The following GRAMD4 variants were observed in gnomAD, a reference collection of about 807,000 sequenced individuals.
GRAMD4 encodes GRAM domain containing 4.
GRAMD4 carries 25 observed loss-of-function variants against 83.9 expected under a neutral mutation model. That is an observed-to-expected ratio of 0.30 (90% CI 0.22 to 0.42). The LOEUF is 0.42. Among genes scored for constraint, GRAMD4 ranks in the 10% least tolerant of loss-of-function variants. The probability of loss-of-function intolerance (pLI) is 1.00; values close to 1 mark genes in which losing one functional copy is unlikely to be tolerated. For missense variants in GRAMD4, 593 were observed against 788.7 expected, an observed-to-expected ratio of 0.75 and a Z score of 2.97; for synonymous variants, 336 against 320.9, an observed-to-expected ratio of 1.05 and a Z score of -0.50.
intron 1 of GRAMD4, among the ~76,000 whole-genome samples, chr22:46,591,971 G>A (rs987490697): frequency 4.0e-5 from 6 of 149,368 alleles, no homozygotes; most frequent in African/African-American, 1.5e-4. Flanking sequence ...CAGGACTGGT[G>A]TGTCCCCTCC....
rs562775258 is a variant in GRAMD4 at position 46,621,901 on chromosome 22, C to T, written c.-50+1336C>T. ...GAAAAGTCTGTCTTTTTGATGGACC[C>T]AGGGAGTTGGGTGAGGAGGGTGGTG... On this transcript the variant is annotated intron_variant, in intron 1 of 18. Coordinates refer to ENST00000406902, the MANE Select transcript of GRAMD4 (RefSeq NM_015124.5). This position sits in a 1 kb window ranked among gnomAD's most constrained non-coding sequence, Gnocchi z 5.8. Among the ~76,000 whole-genome samples, 162 of 152,262 alleles carry T rather than the reference C, an allele frequency of 1.1e-3. 1 individual carries two copies. The highest frequency in any genetic ancestry group is 3.7e-3 in the African/African-American group (154 of 41,558).
At chr22:46,612,082 C>T (rs1176251110) in intron 1 of GRAMD4, among the ~76,000 whole-genome samples, 1 of 144,302 alleles carries the variant, frequency 6.9e-6, no homozygotes, top group African/African-American at 2.5e-5. Flanking sequence ...TAGCTCACTG[C>T]AGCCTTGAAC....
intron 1 of GRAMD4, among the ~76,000 whole-genome samples, chr22:46,581,928 A>G (rs1165933203): frequency 1.3e-5 from 2 of 152,242 alleles, no homozygotes; most frequent in African/African-American, 4.8e-5. Context: ...TATAGAAGCC[A>G]GAGCTTGAGA....
chr22:46,637,401 C>A (rs1351343726), intron 2 of GRAMD4, among the ~76,000 whole-genome samples: 1 of 152,022 alleles, frequency 6.6e-6, no homozygotes, highest in Non-Finnish European at 1.5e-5. Context: ...TACAGGTGCC[C>A]GCCACTGCGC....
chr22:46,659,484 G>T lies in GRAMD4; in HGVS notation c.404+1177G>T, dbSNP rs571807671. Among the ~76,000 whole-genome samples, 1 of 152,202 alleles carries T rather than the reference G, an allele frequency of 6.6e-6. No homozygotes were observed. Among genetic ancestry groups the T allele is most frequent in the African/African-American group, 2.4e-5 (1 of 41,446 alleles). On this transcript the variant is annotated intron_variant, in intron 4 of 18. Transcript: ENST00000406902. The surrounding 1 kb of genome is among the most constrained non-coding windows in gnomAD (Gnocchi z 4.1). The stretch of plus-strand genomic sequence containing the variant: ...CTGTCACCAGTTAGGGAGGCACACG[G>T]CATCTCTGGGACACCCCAGCTGAGC...
Position 46,669,959 on chromosome 22 carries a change from T to C in GRAMD4, c.1084+1051T>C, listed in dbSNP as rs570986857. Among the ~76,000 whole-genome samples, 37 of 152,318 alleles carry C rather than the reference T, an allele frequency of 2.4e-4. No individual in the cohort carries two copies. In the South Asian group the frequency reaches 7.5e-3, roughly 31 times the overall value. ...AATAACAACGATCCAGTGTCTGACATGGGCCACACACTGGCATGTGGGAGC... is the reference window on the plus strand; with the variant it reads ...AATAACAACGATCCAGTGTCTGACACGGGCCACACACTGGCATGTGGGAGC... On this transcript the variant is annotated intron_variant, in intron 13 of 18. Coordinates refer to ENST00000406902, the MANE Select transcript of GRAMD4 (RefSeq NM_015124.5).
intron 1 of GRAMD4, among the ~76,000 whole-genome samples, chr22:46,583,743 C>T (rs1463649970): frequency 2.0e-5 from 3 of 152,196 alleles, no homozygotes; most frequent in Non-Finnish European, 4.4e-5. Context: ...CGCATACCTT[C>T]GATGTGGCCC....
At position 46,679,482 on chromosome 22, in the gene GRAMD4, C is replaced by T. The variant is rs980945093; in HGVS notation, c.*2231C>T. ...GCGGATCGGCACGGGCTCTGGGCTC[C>T]CCGTGGAGAGAAGCTGTAGTTTTTA... On this transcript the variant is annotated 3_prime_UTR_variant, in exon 19 of 19. Coordinates refer to ENST00000406902, the MANE Select transcript of GRAMD4 (RefSeq NM_015124.5). The T allele has an allele frequency of 1.0e-6, 1 of 985,458 alleles. No homozygotes were observed. Among genetic ancestry groups the T allele is most frequent in the African/African-American group, 1.7e-5 (1 of 57,224 alleles). 61.0% of individuals were successfully genotyped at this position (985,458 alleles called of 1,614,324 possible). A position where few individuals can be genotyped will look rare whatever the true frequency, so the allele number is the denominator to read the frequency against.
chr22:46,609,861 G>T (rs996781787), intron 1 of GRAMD4, among the ~76,000 whole-genome samples: 3 of 152,214 alleles, frequency 2.0e-5, no homozygotes, highest in Non-Finnish European at 4.4e-5. Flanking sequence ...AGTAAGAGGC[G>T]CCTCTCTGAA....
rs149423289 is a variant in GRAMD4 at position 46,671,656 on chromosome 22, AAAAATAAAATAAAATAAAAT to A, written c.1085-1167_1085-1148del. Among the ~76,000 whole-genome samples the A allele has an allele frequency of 7.3e-4, 104 of 143,050 alleles. 1 individual carries two copies. The highest frequency in any genetic ancestry group is 2.1e-3 in the African/African-American group (80 of 37,688). The allele number at this position is 143,050 out of a possible 152,430, so 93.8% of individuals were successfully genotyped here. ...GGGCGACAGAGCAAGACTCCGTCTC[AAAAATAAAATAAAATAAAAT>A]AAAATAAAATAAAATAAAAAATTTA... On this transcript the variant is annotated intron_variant, in intron 13 of 18. Transcript: ENST00000406902.
In GRAMD4 at chr22:46,647,717, G is replaced by A. The variant is rs192974986; in HGVS notation, c.283+9757G>A. 1.3e-3 allele frequency among the ~76,000 whole-genome samples: 192 copies of A among 152,364 alleles called. 1 individual carries two copies. Among genetic ancestry groups the A allele is most frequent in the African/African-American group, 4.4e-3 (181 of 41,586 alleles). ...GTGACCTCTCTAGTCACTGCGTCCCGCCCTGCTGAACACATCCCAGCTCCC... is the reference window on the plus strand; with the variant it reads ...GTGACCTCTCTAGTCACTGCGTCCCACCCTGCTGAACACATCCCAGCTCCC... On this transcript the variant is annotated intron_variant, in intron 3 of 18. Coordinates refer to ENST00000406902, the MANE Select transcript of GRAMD4 (RefSeq NM_015124.5).
intron 3 of GRAMD4, among the ~76,000 whole-genome samples, chr22:46,644,347 G>A (rs1014480839): frequency 3.3e-5 from 5 of 150,412 alleles, no homozygotes; most frequent in Admixed American, 6.6e-5. Context: ...TTTCTGTTCC[G>A]TGTTATACCT....
intron 1 of GRAMD4, among the ~76,000 whole-genome samples, chr22:46,584,049 G>T (rs949942246): frequency 1.3e-5 from 2 of 152,122 alleles, no homozygotes; most frequent in African/African-American, 4.8e-5. Context: ...AGGTCAATGC[G>T]GAATGCCATT....
At chr22:46,667,005 T>G in intron 10 of GRAMD4, 132 bp downstream of exon 10, 2 of 598,482 alleles carry the variant, frequency 3.3e-6, no homozygotes, top group Non-Finnish European at 5.5e-6. Context: ...TGGCCTGGCC[T>G]GAAGAGGAGG....
At position 46,581,597 on chromosome 22, in the gene GRAMD4, A is replaced by T. The variant is rs1288376710; in HGVS notation, c.-50+4307A>T. Among the ~76,000 whole-genome samples, 3 of 152,382 alleles carry T rather than the reference A, an allele frequency of 2.0e-5. No homozygotes were observed. In the South Asian group the frequency reaches 6.2e-4, roughly 32 times the overall value. On this transcript the variant is annotated intron_variant, in intron 1 of 1. Coordinates refer to the GRAMD4 transcript ENST00000431155. ...CTTTTTGCTGTCAAATGTGCAGTAA[A>T]TAGCAAGATTCGGACAGCATGTCCT...
intron 1 of GRAMD4, among the ~76,000 whole-genome samples, chr22:46,585,486 G>A (rs1401914868): frequency 1.3e-5 from 2 of 152,214 alleles, no homozygotes; most frequent in Admixed American, 6.5e-5. Flanking sequence ...CACCGCGCCC[G>A]GCTGCCTGTC....
chr22:46,672,946 C>G lies in GRAMD4; in HGVS notation c.1188C>G (p.Leu396=). 1 of 1,610,484 alleles carries G rather than the reference C, an allele frequency of 6.2e-7. No homozygotes were observed. The highest frequency in any genetic ancestry group is 1.7e-5 in the Admixed American group (1 of 59,966). ...YDTPYIIWRS[L]PTDPQLKERS... ...CGCCCTATATCATCTGGAGGAGTCTCCCCACCGACCCGCAGCTCAAGGAGC... is the reference window on the plus strand; with the variant it reads ...CGCCCTATATCATCTGGAGGAGTCTGCCCACCGACCCGCAGCTCAAGGAGC... The change falls in exon 14 of 19, where the codon CTC becomes CTG. Residue 396 remains leucine (L), a synonymous_variant. Coordinates refer to ENST00000406902, the MANE Select transcript of GRAMD4 (RefSeq NM_015124.5). The surrounding 1 kb of genome is among the most constrained non-coding windows in gnomAD (Gnocchi z 4.7).
At chr22:46,631,315 C>T (rs764737677) in intron 2 of GRAMD4, among the ~76,000 whole-genome samples, 5 of 152,254 alleles carry the variant, frequency 3.3e-5, no homozygotes, top group Admixed American at 6.5e-5. Flanking sequence ...ACGTGTCACA[C>T]GCCAGCTCCC....
intron 2 of GRAMD4, among the ~76,000 whole-genome samples, chr22:46,635,147 GCC>G (rs2081844101): frequency 7.1e-6 from 1 of 140,464 alleles, no homozygotes; most frequent in African/African-American, 2.8e-5. Flanking sequence ...TGTCCTCCCT[GCC>G]TCCACCCCTG....
Sources: allele counts gnomAD v4.1 joint callset (sites outside exome capture counted in the v4.1 genomes callset), GRCh38; gene constraint gnomAD v4.1.1; non-coding constraint Gnocchi (gnomAD v3.1); transcripts MANE v1.5; gene names NCBI Gene and HGNC (gene_info 2026-07-23, HGNC 2026-07-21).